RPS6KA2: variants seen among roughly 807,000 people sequenced by gnomAD.
RPS6KA2 encodes the protein ribosomal protein S6 kinase alpha-2.
RPS6KA2 carries 42 observed loss-of-function variants against 91.8 expected under a neutral mutation model. The ratio of observed to expected loss-of-function variants is 0.46; its 90% CI spans 0.36 to 0.59. The LOEUF (loss-of-function observed/expected upper bound fraction) is 0.59, where lower values mean the gene tolerates loss of function less well. RPS6KA2 is among the 20% of genes least tolerant of loss of function. The probability of loss-of-function intolerance (pLI) is 0.00; values close to 1 mark genes in which losing one functional copy is unlikely to be tolerated. For synonymous variants in RPS6KA2, 414 were observed against 393.6 expected (o/e 1.05, Z -0.61); for missense variants, 798 against 978.5 (o/e 0.82, Z 2.46).
intron 2 of RPS6KA2, among the ~76,000 whole-genome samples, chr6:166,829,080 G>A (rs898753102): frequency 2.0e-5 from 3 of 152,104 alleles, no homozygotes; most frequent in Non-Finnish European, 1.5e-5. Flanking sequence ...ATAAGCACAC[G>A]GAGAAACGCT....
chr6:166,526,999 T>C (rs932391911), intron 3 of RPS6KA2, among the ~76,000 whole-genome samples: 2 of 152,208 alleles, frequency 1.3e-5, no homozygotes, highest in Non-Finnish European at 2.9e-5. Context: ...CAGGAGCCGT[T>C]TCTCAAGGAC....
rs1782336297 is a variant in RPS6KA2 at position 166,508,350 on chromosome 6, T to C, written c.380-68A>G. 1 of 1,026,232 alleles carries C rather than the reference T, an allele frequency of 9.7e-7. No homozygotes were observed. Among genetic ancestry groups the C allele is most frequent in the Non-Finnish European group, 1.5e-6 (1 of 654,228 alleles). The allele number at this position is 1,026,232 out of a possible 1,614,324, so 63.6% of individuals were successfully genotyped here. On this transcript the variant is annotated intron_variant, in intron 4 of 20. Coordinates refer to ENST00000265678, the MANE Select transcript of RPS6KA2 (RefSeq NM_021135.6). This position sits in a 1 kb window ranked among gnomAD's most constrained non-coding sequence, Gnocchi z 4.3. ...TCCTGTGGCAACATCGCTCTCTGGC[T>C]TCTCCCTGCTCACGGTGCTGCTTAC...
At chr6:166,675,013 A>C (rs1404405117) in intron 2 of RPS6KA2, among the ~76,000 whole-genome samples, 1 of 152,212 alleles carries the variant, frequency 6.6e-6, no homozygotes, top group East Asian at 1.9e-4. Flanking sequence ...ATATTCTGCC[A>C]CCAACACAGA....
chr6:166,789,040 C>T (rs183363564), intron 2 of RPS6KA2, among the ~76,000 whole-genome samples: 160 of 152,192 alleles, frequency 1.1e-3, no homozygotes, highest in South Asian at 4.4e-3. Context: ...ATACCGTGCG[C>T]GAGCTGAAGC....
intron 2 of RPS6KA2, among the ~76,000 whole-genome samples, chr6:166,853,884 G>A (rs1780816866): frequency 6.6e-6 from 1 of 152,266 alleles, no homozygotes; most frequent in South Asian, 2.1e-4. Flanking sequence ...CAGGAGAGAG[G>A]CAGGATGGGG....
At position 166,508,991 on chromosome 6, in the gene RPS6KA2, G is replaced by A. The variant is rs531371223; in HGVS notation, c.380-709C>T. On this transcript the variant is annotated intron_variant, in intron 4 of 20. Transcript: ENST00000265678. The surrounding 1 kb of genome is among the most constrained non-coding windows in gnomAD (Gnocchi z 4.3). ...CGCTGCTGTGACGATGGTTGCTGCA[G>A]TGGCACTGGTGAGGCACCGCGTGGC... Among the ~76,000 whole-genome samples, 4 of 152,344 alleles carry A rather than the reference G, an allele frequency of 2.6e-5. No homozygotes were observed. In the East Asian group the frequency reaches 7.7e-4, roughly 29 times the overall value.
intron 6 of RPS6KA2, 36 bp downstream of exon 6, chr6:166,504,470 G>A (rs757386319): frequency 3.2e-6 from 4 of 1,236,370 alleles, no homozygotes; most frequent in South Asian, 2.5e-5. Flanking sequence ...GAGCTGATGG[G>A]CGTGGGGAAG....
In RPS6KA2 at chr6:166,767,770, C is replaced by T. The variant is rs1778355995; in HGVS notation, c.123+90430G>A. On this transcript the variant is annotated intron_variant, in intron 2 of 21. Transcript: ENST00000503859. The surrounding 1 kb of genome is among the most constrained non-coding windows in gnomAD (Gnocchi z 4.6). ...TATTAAGAACTAAAGACAATACCTC[C>T]TCAAACACACACACACACACACACA... Among the ~76,000 whole-genome samples the T allele has an allele frequency of 9.4e-6, 1 of 106,682 alleles. No homozygotes were observed. Among genetic ancestry groups the T allele is most frequent in the African/African-American group, 3.8e-5 (1 of 26,186 alleles). 70.0% of individuals were successfully genotyped at this position (106,682 alleles called of 152,430 possible).
Position 166,688,091 on chromosome 6 carries a change from C to T in RPS6KA2, c.124-149307G>A, listed in dbSNP as rs865794182. On this transcript the variant is annotated intron_variant, in intron 2 of 21. Coordinates refer to the RPS6KA2 transcript ENST00000503859. ...AAAGGCAGGAGGAGGGAGACAGGGC[C>T]GCAGACCTCAGGGTGGGAGGGGTAT... Among the ~76,000 whole-genome samples, 5 of 151,994 alleles carry T rather than the reference C, an allele frequency of 3.3e-5. No homozygotes were observed. In the East Asian group the frequency reaches 5.8e-4, roughly 18 times the overall value.
At position 166,510,335 on chromosome 6, in the gene RPS6KA2, C is replaced by T. The variant is rs1192194930; in HGVS notation, c.321G>A (p.Lys107=). ...TLKVRDRVRS[K]MERDILAEVN... The stretch of plus-strand genomic sequence containing the variant: ...CTTCTGCCAAGATGTCTCTCTCCAT[C>T]TTCGATCTCACTCGGTCCCGAACTG... Residue 107 remains lysine (K), a synonymous_variant, in exon 4 of 21, where the codon AAG becomes AAA. Transcript: ENST00000265678. 6 of 1,601,464 alleles carry T rather than the reference C, an allele frequency of 3.7e-6. No individual in the cohort carries two copies. The Admixed American group carries it at 8.5e-5, about 23-fold the overall frequency.
intron 10 of RPS6KA2, among the ~76,000 whole-genome samples, chr6:166,471,924 C>T (rs1427581263): frequency 1.3e-5 from 2 of 152,258 alleles, no homozygotes; most frequent in African/African-American, 4.8e-5. Flanking sequence ...ATCGCAGCAG[C>T]TGGCATGAGC....
chr6:166,529,733 C>T (rs1302632854), intron 3 of RPS6KA2, among the ~76,000 whole-genome samples: 1 of 152,148 alleles, frequency 6.6e-6, no homozygotes, highest in Non-Finnish European at 1.5e-5. Flanking sequence ...ATATCTAGGC[C>T]TTGTTTCTAC....
intron 11 of RPS6KA2, among the ~76,000 whole-genome samples, chr6:166,466,975 C>T (rs1780554116): frequency 6.6e-6 from 1 of 152,070 alleles, no homozygotes; most frequent in Admixed American, 6.6e-5. Flanking sequence ...CATTCATGCA[C>T]TCCCTCACTC....
intron 2 of RPS6KA2, among the ~76,000 whole-genome samples, chr6:166,653,646 A>C (rs1787925406): frequency 1.3e-5 from 2 of 152,214 alleles, no homozygotes; most frequent in South Asian, 4.1e-4. Context: ...ATAGCATTCT[A>C]TCTGTGACTC....
chr6:166,613,189 G>A (rs985308018), intron 1 of RPS6KA2, among the ~76,000 whole-genome samples: 1 of 152,188 alleles, frequency 6.6e-6, no homozygotes, highest in Non-Finnish European at 1.5e-5. Flanking sequence ...CACTTTCAGT[G>A]GCATTTGCAG....
At chr6:166,854,696 C>T (rs139392273) in intron 2 of RPS6KA2, among the ~76,000 whole-genome samples, 1 of 152,264 alleles carries the variant, frequency 6.6e-6, no homozygotes, top group African/African-American at 2.4e-5. Flanking sequence ...AAAATAACAA[C>T]AGATGTTGGC....
intron 3 of RPS6KA2, among the ~76,000 whole-genome samples, chr6:166,512,635 CG>C (rs1347436732): frequency 1.3e-5 from 2 of 152,102 alleles, no homozygotes; most frequent in African/African-American, 4.8e-5. Flanking sequence ...ATACTGTCTC[CG>C]GGGGCCCAGG....
Position 166,516,497 on chromosome 6 carries a change from A to C in RPS6KA2, c.299-6140T>G, listed in dbSNP as rs56019916. On this transcript the variant is annotated intron_variant, in intron 3 of 20. Transcript: ENST00000265678. ...ACTGCCCCTTCTAGGATGATTAAAC[A>C]ACAAGCCTCTCTCTCTCTGAGCTGC... 8.4e-3 allele frequency among the ~76,000 whole-genome samples: 1,287 copies of C among 152,312 alleles called. 10 individuals carry two copies. The highest frequency in any genetic ancestry group is 0.012 in the Non-Finnish European group (830 of 68,018).
At chr6:166,716,495 C>T (rs911514352) in intron 2 of RPS6KA2, among the ~76,000 whole-genome samples, 10 of 152,106 alleles carry the variant, frequency 6.6e-5, no homozygotes, top group Non-Finnish European at 1.3e-4. Flanking sequence ...AATGAAACGA[C>T]GTCATTTGAG....
Sources: allele counts gnomAD v4.1 joint callset (sites outside exome capture counted in the v4.1 genomes callset), GRCh38; gene constraint gnomAD v4.1.1; non-coding constraint Gnocchi (gnomAD v3.1); transcripts MANE v1.5; gene names NCBI Gene and HGNC (gene_info 2026-07-23, HGNC 2026-07-21).